Variants in ZBTB16 observed in about 807,000 individuals in gnomAD.
ZBTB16 encodes the protein zinc finger and BTB domain containing 16.
ZBTB16 carries 8 observed loss-of-function variants against 56.8 expected under a neutral mutation model. The ratio of observed to expected loss-of-function variants is 0.14; its 90% confidence interval spans 0.08 to 0.25. The LOEUF is 0.25. Ranked by LOEUF, ZBTB16 falls within the 10% of genes least tolerant of loss-of-function variation. The probability of loss-of-function intolerance (pLI) is 1.00; values close to 1 mark genes in which losing one functional copy is unlikely to be tolerated. For missense variants in ZBTB16, 625 were observed against 903.0 expected, an observed-to-expected ratio of 0.69 and a Z score of 3.95; for synonymous variants, 363 against 368.5, an observed-to-expected ratio of 0.98 and a Z score of 0.17.
chr11:114,096,603 C>T (rs940198979), intron 2 of ZBTB16, among the ~76,000 whole-genome samples: 1 of 152,070 alleles, frequency 6.6e-6, no homozygotes, highest in African/African-American at 2.4e-5. Flanking sequence ...CATATTGAGA[C>T]TGTTCATAGA....
chr11:114,091,427 C>G (rs985507762), intron 2 of ZBTB16, among the ~76,000 whole-genome samples: 1 of 151,874 alleles, frequency 6.6e-6, no homozygotes, highest in Admixed American at 6.6e-5. Context: ...CATGAACTCT[C>G]AACTCCTGGC....
Position 114,225,540 on chromosome 11 carries a change from G to A in ZBTB16, c.1454-16627G>A, listed in dbSNP as rs562033523. ...CATGGTGGAAGGCGAGAGGGCAAGA[G>A]AGAGCAGAGCACAAGAGGGGACTAG... On this transcript the variant is annotated intron_variant, in intron 4 of 6. Transcript: ENST00000335953. Among the ~76,000 whole-genome samples the A allele has an allele frequency of 3.3e-5, 5 of 152,330 alleles. No homozygotes were observed. The East Asian group carries it at 9.6e-4, about 29-fold the overall frequency.
intron 3 of ZBTB16, among the ~76,000 whole-genome samples, chr11:114,171,611 T>G (rs1299676655): frequency 6.6e-6 from 1 of 152,088 alleles, no homozygotes; most frequent in African/African-American, 2.4e-5. Context: ...GTCACGGGAG[T>G]ACTCCATCTT....
At position 114,250,537 on chromosome 11, in the gene ZBTB16, C is replaced by T. The variant is rs745894313; in HGVS notation, c.2004C>T (p.Leu668=). ...PPDWRIEKTY[L]YLCYV is the part of the protein sequence containing the mutation. The stretch of plus-strand genomic sequence containing the variant: ...ACTGGAGGATAGAGAAGACGTACCT[C>T]TACCTGTGCTATGTGTGAAGGGAGG... Residue 668 remains leucine, a synonymous_variant, in exon 7 of 7, where the codon CTC becomes CTT. Transcript: ENST00000335953. This position sits in a 1 kb window ranked among gnomAD's most constrained non-coding sequence, Gnocchi z 6.0. 6.2e-6 allele frequency: 10 copies of T among 1,613,988 alleles called. No homozygotes were observed. The Admixed American group carries it at 6.7e-5, about 11-fold the overall frequency.
At chr11:114,173,002 G>T (rs2135016895) in intron 3 of ZBTB16, among the ~76,000 whole-genome samples, 1 of 152,296 alleles carries the variant, frequency 6.6e-6, no homozygotes, top group South Asian at 2.1e-4. Flanking sequence ...TGCCGTAGTT[G>T]TAATGTAACA....
At position 114,148,434 on chromosome 11, in the gene ZBTB16, T is replaced by TGTCTGTCC. The variant is rs1440139667; in HGVS notation, c.1269-7903_1269-7902insGTCTGTCC. ...CTCCCTCCCTCCCTCCCTCTCTCTC[T>TGTCTGTCC]CTTTCTCTCTCTCTGTCTGTCTGTC... On this transcript the variant is annotated intron_variant, in intron 2 of 6. Transcript: ENST00000335953. Among the ~76,000 whole-genome samples the TGTCTGTCC allele has an allele frequency of 5.4e-4, 30 of 55,492 alleles. 2 individuals are homozygous for TGTCTGTCC. The highest frequency in any genetic ancestry group is 1.7e-3 in the African/African-American group (22 of 13,154). 36.4% of individuals were successfully genotyped at this position (55,492 alleles called of 152,430 possible).
At chr11:114,061,535 C>G (rs1375217206) in intron 1 of ZBTB16, 1 of 152,344 alleles carries the variant, frequency 6.6e-6, no homozygotes, top group Non-Finnish European at 1.5e-5. Flanking sequence ...GGCTCCTGAA[C>G]TGATAGAGCT....
intron 2 of ZBTB16, among the ~76,000 whole-genome samples, chr11:114,071,120 T>C (rs1052807489): frequency 6.6e-6 from 1 of 152,230 alleles, no homozygotes; most frequent in Non-Finnish European, 1.5e-5. Flanking sequence ...CTTTTATTCT[T>C]TGTGTACCCA....
At chr11:114,210,356 C>G (rs905240627) in intron 4 of ZBTB16, among the ~76,000 whole-genome samples, 3 of 152,082 alleles carry the variant, frequency 2.0e-5, no homozygotes, top group African/African-American at 7.2e-5. Context: ...TCACTTTGGT[C>G]TTAATAATAA....
At chr11:114,075,714 G>C (rs1939536494) in intron 2 of ZBTB16, among the ~76,000 whole-genome samples, 1 of 151,630 alleles carries the variant, frequency 6.6e-6, no homozygotes, top group Non-Finnish European at 1.5e-5. Flanking sequence ...CAGGTGATCT[G>C]CCTGTCTCAG....
chr11:114,083,475 G>A (rs1467326903), intron 2 of ZBTB16, among the ~76,000 whole-genome samples: 2 of 152,144 alleles, frequency 1.3e-5, no homozygotes, highest in Admixed American at 6.5e-5. Flanking sequence ...CCAGGGGGCC[G>A]TGGTAGAACA....
chr11:114,075,567 G>A (rs1472984361), intron 2 of ZBTB16, among the ~76,000 whole-genome samples: 2 of 151,052 alleles, frequency 1.3e-5, no homozygotes, highest in East Asian at 1.9e-4. Flanking sequence ...AGTGATTCTC[G>A]TGCCTCAGCC....
chr11:114,155,059 C>T (rs1942374011), intron 2 of ZBTB16, among the ~76,000 whole-genome samples: 1 of 152,226 alleles, frequency 6.6e-6, no homozygotes, highest in East Asian at 1.9e-4. Flanking sequence ...GTAATACTCC[C>T]TCTCCCCACC....
Position 114,124,527 on chromosome 11 carries a change from A to G in ZBTB16, c.1269-31810A>G, listed in dbSNP as rs372657135. ...CAGTCATTTGGAAAGGGGATGGGGGAAGAGGCAAAAACAAAACAAAAAAAA... is the reference window on the plus strand; with the variant it reads ...CAGTCATTTGGAAAGGGGATGGGGGGAGAGGCAAAAACAAAACAAAAAAAA... On this transcript the variant is annotated intron_variant, in intron 2 of 6. Transcript: ENST00000335953. Among the ~76,000 whole-genome samples, 183 of 149,428 alleles carry G rather than the reference A, an allele frequency of 1.2e-3. 6 individuals carry two copies. The South Asian group carries it at 0.038, about 31-fold the overall frequency.
Position 114,250,565 on chromosome 11 carries a change from C to A in ZBTB16, c.*10C>A. 6.2e-7 allele frequency: 1 copy of A among 1,613,522 alleles called. No individual in the cohort carries two copies. ...CCTGTGCTATGTGTGAAGGGAGGCC[C>A]GCGGCGGTGGAGCCGAGCGGGGAGC... On this transcript the variant is annotated 3_prime_UTR_variant, in exon 7 of 7. Coordinates refer to ENST00000335953, the MANE Select transcript of ZBTB16 (RefSeq NM_006006.6). This position sits in a 1 kb window ranked among gnomAD's most constrained non-coding sequence, Gnocchi z 6.0.
intron 2 of ZBTB16, among the ~76,000 whole-genome samples, chr11:114,093,047 C>G (rs1940248671): frequency 6.6e-6 from 1 of 152,150 alleles, no homozygotes; most frequent in Non-Finnish European, 1.5e-5. Context: ...AAAAAACCAC[C>G]AGTGCCTGTC....
rs1349196415 is a variant in ZBTB16 at position 114,059,993 on chromosome 11, T to A, written c.-91+111T>A. 1 of 391,678 alleles carries A rather than the reference T, an allele frequency of 2.6e-6. No homozygotes were observed. The highest frequency in any genetic ancestry group is 4.5e-6 in the Non-Finnish European group (1 of 222,106). The allele number at this position is 391,678 out of a possible 1,614,324, so 24.3% of individuals were successfully genotyped here. On this transcript the variant is annotated intron_variant, in intron 1 of 6. Transcript: ENST00000335953. This position sits in a 1 kb window ranked among gnomAD's most constrained non-coding sequence, Gnocchi z 5.3. ...GCGCTCGCTTCGGCCACTCGGCCGC[T>A]GGGCTTGTGCCTTTTTTATTTGGCG...
intron 4 of ZBTB16, among the ~76,000 whole-genome samples, chr11:114,218,262 C>T (rs1483657957): frequency 1.3e-5 from 2 of 152,166 alleles, no homozygotes; most frequent in Non-Finnish European, 2.9e-5. Flanking sequence ...CATCCCTTTG[C>T]ACATGTGTCT....
chr11:114,169,101 G>T (rs1020809226), intron 3 of ZBTB16, among the ~76,000 whole-genome samples: 3 of 152,124 alleles, frequency 2.0e-5, no homozygotes, highest in Non-Finnish European at 4.4e-5. Context: ...AGGGGTAGGA[G>T]GAGAGAGCTG....
Sources: allele counts gnomAD v4.1 joint callset (sites outside exome capture counted in the v4.1 genomes callset), GRCh38; gene constraint gnomAD v4.1.1; non-coding constraint Gnocchi (gnomAD v3.1); transcripts MANE v1.5; gene names NCBI Gene and HGNC (gene_info 2026-07-23, HGNC 2026-07-21).